The following PPHLN1 variants were observed in gnomAD, a reference collection of about 807,000 sequenced individuals.
PPHLN1 encodes periphilin 1.
Under a neutral mutation model 51.3 loss-of-function variants are expected in PPHLN1, and 29 were observed. The ratio of observed to expected loss-of-function variants is 0.57; its 90% CI spans 0.42 to 0.77. The LOEUF (loss-of-function observed/expected upper bound fraction) is 0.77. PPHLN1 is among the 30% of genes least tolerant of loss of function. The probability of loss-of-function intolerance (pLI) is 0.00; values close to 1 mark genes in which losing one functional copy is unlikely to be tolerated. For missense variants in PPHLN1, 436 were observed against 438.4 expected (o/e 0.99, Z 0.05); for synonymous variants, 147 against 147.8 (o/e 0.99, Z 0.04).
intron 3 of PPHLN1, among the ~76,000 whole-genome samples, chr12:42,353,513 C>G (rs1670093268): frequency 6.6e-6 from 1 of 152,166 alleles, no homozygotes; most frequent in African/African-American, 2.4e-5. Flanking sequence ...TGAGACTATT[C>G]AGTGTTTTCT....
intron 1 of PPHLN1, among the ~76,000 whole-genome samples, chr12:42,335,105 G>T (rs73118495): frequency 0.093 from 14,067 of 151,928 alleles, 861 homozygotes; most frequent in South Asian, 0.17. Context: ...TCTTTTGTCT[G>T]TTCAGTTTCT....
At chr12:42,405,957 G>A (rs1376457608) in intron 9 of PPHLN1, among the ~76,000 whole-genome samples, 3 of 152,038 alleles carry the variant, frequency 2.0e-5, no homozygotes, top group Non-Finnish European at 2.9e-5. Flanking sequence ...GCAAATACTT[G>A]TAAGAACTAC....
intron 4 of PPHLN1, among the ~76,000 whole-genome samples, chr12:42,370,793 C>G (rs2075727212): frequency 6.6e-6 from 1 of 152,140 alleles, no homozygotes; most frequent in Non-Finnish European, 1.5e-5. Flanking sequence ...CAGAATTTTA[C>G]TGGACTCTTG....
At chr12:42,387,234 T>C in intron 6 of PPHLN1, 1 of 375,940 alleles carries the variant, frequency 2.7e-6, no homozygotes, top group Non-Finnish European at 4.7e-6. Flanking sequence ...TGGCCTAGAC[T>C]GGCTTCTATG....
intron 9 of PPHLN1, among the ~76,000 whole-genome samples, chr12:42,437,189 G>A (rs996916815): frequency 1.7e-4 from 26 of 152,236 alleles, no homozygotes; most frequent in African/African-American, 5.5e-4. Flanking sequence ...TATGCTCTAG[G>A]TGTGCTAAGC....
At chr12:42,360,357 T>G (rs1362425637) in intron 4 of PPHLN1, among the ~76,000 whole-genome samples, 1 of 150,918 alleles carries the variant, frequency 6.6e-6, no homozygotes, top group Non-Finnish European at 1.5e-5. Flanking sequence ...TTTTTCTTTC[T>G]CAGTTTAGGT....
At chr12:42,341,959 T>C (rs1046496514) in intron 2 of PPHLN1, among the ~76,000 whole-genome samples, 4 of 152,172 alleles carry the variant, frequency 2.6e-5, no homozygotes, top group Non-Finnish European at 4.4e-5. Context: ...AAGTCACTTT[T>C]ATAAGGGGCT....
intron 4 of PPHLN1, chr12:42,359,547 C>CT (rs1565818083): frequency 6.6e-6 from 1 of 152,196 alleles, no homozygotes. Context: ...GTAGCTATAG[C>CT]TTTTACTGCC....
At chr12:42,342,005 A>G (rs575737684) in intron 2 of PPHLN1, among the ~76,000 whole-genome samples, 55 of 152,324 alleles carry the variant, frequency 3.6e-4, no homozygotes, top group Non-Finnish European at 6.5e-4. Flanking sequence ...AAACTTGGGT[A>G]GGTAGGTAGC....
intron 3 of PPHLN1, among the ~76,000 whole-genome samples, chr12:42,353,917 A>G (rs1049275256): frequency 1.3e-5 from 2 of 152,158 alleles, no homozygotes; most frequent in Non-Finnish European, 2.9e-5. Context: ...TTGTGTGTAT[A>G]ACATTTTTTC....
Position 42,351,957 on chromosome 12 carries a change from T to C in PPHLN1, c.145T>C (p.Tyr49His), listed in dbSNP as rs2073417709. The C allele has an allele frequency of 1.3e-6, 2 of 1,586,330 alleles. No homozygotes were observed. The highest frequency in any genetic ancestry group is 3.8e-5 in the Admixed American group (2 of 53,050). Reference protein sequence around the residue: ...PLLDRPGEGSYNRYYSHVDYR... With the variant: ...PLLDRPGEGSHNRYYSHVDYR... Reference sequence around the variant, plus strand: ...GCTAGACAGACCTGGTGAAGGAAGCTACAATAGATATTACAGTCATGTTGA... The same window carrying C: ...GCTAGACAGACCTGGTGAAGGAAGCCACAATAGATATTACAGTCATGTTGA... The change falls in exon 3 of 10, where the codon TAC becomes CAC. Residue 49 changes from tyrosine to histidine, a missense_variant. Transcript: ENST00000358314.
chr12:42,422,912 G>C (rs2081127162), intron 9 of PPHLN1, among the ~76,000 whole-genome samples: 1 of 152,146 alleles, frequency 6.6e-6, no homozygotes, highest in South Asian at 2.1e-4. Context: ...TTGAAAACAA[G>C]ATTGATATCT....
At chr12:42,347,661 T>C (rs2072561988) in intron 2 of PPHLN1, among the ~76,000 whole-genome samples, 1 of 151,876 alleles carries the variant, frequency 6.6e-6, no homozygotes. Flanking sequence ...GCACCTGTAA[T>C]CCCAACTACT....
At chr12:42,405,887 T>G (rs1015387619) in intron 9 of PPHLN1, among the ~76,000 whole-genome samples, 8 of 152,136 alleles carry the variant, frequency 5.3e-5, no homozygotes, top group African/African-American at 1.9e-4. Context: ...GTGATGTATG[T>G]AATACAGAAA....
chr12:42,366,249 A>G (rs2075261627), intron 4 of PPHLN1, among the ~76,000 whole-genome samples: 1 of 120,288 alleles, frequency 8.3e-6, no homozygotes, highest in South Asian at 2.7e-4. Context: ...TTTTTTTGAG[A>G]CAGAGTCTCA....
At chr12:42,385,034 G>A (rs1282318906) in intron 6 of PPHLN1, 38 bp downstream of exon 6, 2 of 1,546,172 alleles carry the variant, frequency 1.3e-6, no homozygotes, top group Non-Finnish European at 8.9e-7. Context: ...GGATTGTGAA[G>A]GGGTGGGAGA....
At chr12:42,394,825 A>T (rs2078054812) in intron 8 of PPHLN1, among the ~76,000 whole-genome samples, 1 of 151,968 alleles carries the variant, frequency 6.6e-6, no homozygotes, top group South Asian at 2.1e-4. Flanking sequence ...TATTTTGGTT[A>T]TTTTCTCTAA....
intron 9 of PPHLN1, among the ~76,000 whole-genome samples, chr12:42,421,553 GT>G (rs1375889975): frequency 6.6e-6 from 1 of 152,070 alleles, no homozygotes; most frequent in Non-Finnish European, 1.5e-5. Flanking sequence ...TCACCGTGTT[GT>G]TCAGGCTGCT....
chr12:42,431,546 A>C, intron 9 of PPHLN1: 1 of 577,064 alleles, frequency 1.7e-6, no homozygotes, highest in South Asian at 2.1e-5. Flanking sequence ...TTGAATTCCA[A>C]ATGGTAGAAC....
Sources: allele counts gnomAD v4.1 joint callset (sites outside exome capture counted in the v4.1 genomes callset), GRCh38; gene constraint gnomAD v4.1.1; transcripts MANE v1.5; gene names NCBI Gene and HGNC (gene_info 2026-07-23, HGNC 2026-07-21).